The following RECK variants were observed in gnomAD, a reference collection of about 807,000 sequenced individuals.
The protein encoded by RECK is reversion-inducing cysteine-rich protein with Kazal motifs.
In RECK, 69 loss-of-function variants were observed where a neutral mutation model predicts 115.1. That is an observed-to-expected ratio of 0.60 (90% CI 0.49 to 0.73). The LOEUF is 0.73. Ranked by LOEUF, RECK falls within the 30% of genes least tolerant of loss-of-function variation. The pLI is 0.00. For synonymous variants in RECK, 414 were observed against 419.7 expected, an observed-to-expected ratio of 0.99 and a Z score of 0.17; for missense variants, 1,047 against 1,203.7, an observed-to-expected ratio of 0.87 and a Z score of 1.93.
rs902033034 is a variant in RECK, at chr9:36,092,672, G to A, written c.1085+1329G>A. Among the ~76,000 whole-genome samples the A allele has an allele frequency of 2.0e-5, 3 of 151,676 alleles. No homozygotes were observed. The South Asian group carries it at 6.2e-4, about 32-fold the overall frequency. On this transcript the variant is annotated intron_variant, in intron 10 of 20. Coordinates refer to ENST00000377966, the MANE Select transcript of RECK (RefSeq NM_021111.3). ...CTCCCAAAGTGCTAGGATTACAGGC[G>A]TGAGCCACCACGAGTGGCCAACGTC...
chr9:36,062,402 C>T (rs1481605265), intron 4 of RECK, among the ~76,000 whole-genome samples: 1 of 152,108 alleles, frequency 6.6e-6, no homozygotes, highest in East Asian at 1.9e-4. Flanking sequence ...TTCAAGTGAT[C>T]CACCCACCTC....
intron 12 of RECK, among the ~76,000 whole-genome samples, chr9:36,103,578 C>T (rs752309841): frequency 6.6e-6 from 1 of 152,162 alleles, no homozygotes; most frequent in Non-Finnish European, 1.5e-5. Context: ...GGGCCCATTG[C>T]GGCCCTAAGT....
At position 36,046,102 on chromosome 9, in the gene RECK, T is replaced by A. The variant is rs1007036747; in HGVS notation, c.101-6163T>A. On this transcript the variant is annotated intron_variant, in intron 1 of 20. Transcript: ENST00000377966. ...TCAAATTTTATTTTGAATCATTCCA[T>A]CTTTATCTGTTCAATTCCATTTTAT... is the stretch of plus-strand genomic sequence containing the variant. Among the ~76,000 whole-genome samples the A allele has an allele frequency of 3.9e-5, 6 of 152,344 alleles. No homozygotes were observed. In the South Asian group the frequency reaches 1.0e-3, roughly 26 times the overall value.
rs1823515310 is a variant in RECK, at chr9:36,100,392, A to C, written c.1147A>C (p.Lys383Gln). Residue 383 changes from lysine (K) to glutamine (Q), a missense_variant, in exon 11 of 21, where the codon AAG becomes CAG. Coordinates refer to ENST00000377966, the MANE Select transcript of RECK (RefSeq NM_021111.3). ...AGATCAAGGAGCCATGAATGACATG[A>C]AGTTGTGGGAGAAAGGAAGCATAAA... ...QSDQGAMNDM[K>Q]LWEKGSIKMP... The C allele has an allele frequency of 8.1e-6, 13 of 1,614,054 alleles. No homozygotes were observed. The highest frequency in any genetic ancestry group is 1.1e-5 in the Non-Finnish European group (13 of 1,180,022).
In RECK at chr9:36,118,677, G is replaced by A. The variant is rs902418073; in HGVS notation, c.2254-80G>A. On this transcript the variant is annotated intron_variant, in intron 17 of 20. Transcript: ENST00000377966. Reference sequence around the variant, plus strand: ...GTGTCTTTTTTCCTTCCTGAAAATAGGGAGGCATGCTGTGTACTCTTGGTT... The same window carrying A: ...GTGTCTTTTTTCCTTCCTGAAAATAAGGAGGCATGCTGTGTACTCTTGGTT... The A allele has an allele frequency of 1.7e-5, 22 of 1,319,508 alleles. No homozygotes were observed. The African/African-American group carries it at 2.9e-4, about 17-fold the overall frequency. 81.7% of individuals were successfully genotyped at this position (1,319,508 alleles called of 1,614,324 possible).
chr9:36,117,145 G>A lies in RECK; in HGVS notation c.2221G>A (p.Gly741Arg). The A allele has an allele frequency of 3.7e-6, 6 of 1,612,178 alleles. No homozygotes were observed. The highest frequency in any genetic ancestry group is 1.3e-5 in the African/African-American group (1 of 74,918). The change falls in exon 17 of 21, where the codon GGA becomes AGA. Residue 741 changes from glycine to arginine, a missense_variant. Transcript: ENST00000377966. The part of the protein sequence containing the change: ...HNNLCTLYQR[G>R]KSLSYKGPCQ... ...CAATCTCTGCACTTTATACCAAAGA[G>A]GAAAAAGCCTCTCTTACAAAGGTCC...
At chr9:36,097,327 C>CAAAAAA (rs56837267) in intron 10 of RECK, among the ~76,000 whole-genome samples, 2 of 69,634 alleles carry the variant, frequency 2.9e-5, no homozygotes, top group African/African-American at 8.8e-5. Flanking sequence ...GACTCCATCT[C>CAAAAAA]AAAAAAAAAA....
chr9:36,101,615 T>C (rs1010301281), intron 11 of RECK, among the ~76,000 whole-genome samples: 2 of 152,032 alleles, frequency 1.3e-5, no homozygotes, highest in Non-Finnish European at 2.9e-5. Flanking sequence ...CTTGTAGGAG[T>C]CAAATCCCTA....
At chr9:36,114,706 A>G (rs1453319782) in intron 16 of RECK, among the ~76,000 whole-genome samples, 1 of 152,110 alleles carries the variant, frequency 6.6e-6, no homozygotes, top group Non-Finnish European at 1.5e-5. Context: ...TTAGCCAGAC[A>G]TGGTGGCTTC....
At chr9:36,095,103 A>G (rs1486231549) in intron 10 of RECK, among the ~76,000 whole-genome samples, 1 of 152,184 alleles carries the variant, frequency 6.6e-6, no homozygotes, top group Non-Finnish European at 1.5e-5. Flanking sequence ...AGAAATCACA[A>G]AGGAAATGCT....
At chr9:36,083,998 CA>C (rs1822837339) in intron 8 of RECK, among the ~76,000 whole-genome samples, 1 of 151,998 alleles carries the variant, frequency 6.6e-6, no homozygotes, top group African/African-American at 2.4e-5. Flanking sequence ...ACAAACAACC[CA>C]AACATCCATC....
At chr9:36,103,203 G>T (rs934050859) in intron 12 of RECK, among the ~76,000 whole-genome samples, 8 of 152,172 alleles carry the variant, frequency 5.3e-5, no homozygotes, top group African/African-American at 1.9e-4. Context: ...GCCACCAGGG[G>T]GCATCTGTGC....
chr9:36,064,827 T>A (rs911381523), intron 5 of RECK, among the ~76,000 whole-genome samples: 9 of 152,002 alleles, frequency 5.9e-5, no homozygotes, highest in Non-Finnish European at 1.3e-4. Context: ...CTGGCCTAGG[T>A]GATAGAACAG....
At chr9:36,052,993 G>A (rs1356375611) in intron 2 of RECK, among the ~76,000 whole-genome samples, 1 of 152,100 alleles carries the variant, frequency 6.6e-6, no homozygotes, top group Non-Finnish European at 1.5e-5. Context: ...TTGTTCTTAG[G>A]AGATACATAC....
chr9:36,037,109 T>C lies in RECK; in HGVS notation c.100+11T>C. 3 of 1,275,140 alleles carry C rather than the reference T, an allele frequency of 2.4e-6. No homozygotes were observed. Among genetic ancestry groups the C allele is most frequent in the Non-Finnish European group, 3.0e-6 (3 of 1,004,254 alleles). The allele number at this position is 1,275,140 out of a possible 1,614,324, so 79.0% of individuals were successfully genotyped here. A position where few individuals can be genotyped will look rare whatever the true frequency, so the allele number is the denominator to read the frequency against. ...CTCCGGGCAGTGCGGGTGAGTAACC[T>C]CCAGAGCAACGGTTCGAAGCTGTCG... On this transcript the variant is annotated intron_variant, in intron 1 of 20. Coordinates refer to ENST00000377966, the MANE Select transcript of RECK (RefSeq NM_021111.3).
intron 1 of RECK, among the ~76,000 whole-genome samples, chr9:36,037,435 G>A (rs1820710682): frequency 6.6e-6 from 1 of 151,728 alleles, no homozygotes. Flanking sequence ...ATCGTCGCGA[G>A]GTTTAGATGG....
intron 6 of RECK, among the ~76,000 whole-genome samples, chr9:36,068,071 A>G (rs1822081738): frequency 6.6e-6 from 1 of 152,206 alleles, no homozygotes; most frequent in Non-Finnish European, 1.5e-5. Context: ...TCAACTCATT[A>G]TTAATGAGAG....
chr9:36,103,962 T>A (rs1794444544), intron 12 of RECK, among the ~76,000 whole-genome samples: 1 of 152,126 alleles, frequency 6.6e-6, no homozygotes, highest in African/African-American at 2.4e-5. Context: ...CAGGCAAATA[T>A]TTGTGTAGAA....
At chr9:36,046,347 A>G (rs1194553817) in intron 1 of RECK, among the ~76,000 whole-genome samples, 1 of 152,224 alleles carries the variant, frequency 6.6e-6, no homozygotes, top group Non-Finnish European at 1.5e-5. Context: ...CATTAATTGC[A>G]TTTGAATTCT....
Sources: gnomAD v4.1 joint callset for allele counts (sites outside exome capture counted in the v4.1 genomes callset) on GRCh38, gnomAD v4.1.1 for gene constraint, MANE v1.5 for transcripts, NCBI Gene and HGNC (gene_info 2026-07-23, HGNC 2026-07-21) for gene names.